The following SMYD3 variants were observed in gnomAD, a reference collection of about 807,000 sequenced individuals.
SMYD3 encodes histone-lysine N-methyltransferase SMYD3.
A neutral mutation model predicts 57.7 loss-of-function variants in SMYD3; 36 were observed. That is an observed-to-expected ratio of 0.62 (90% CI 0.48 to 0.82). The LOEUF (loss-of-function observed/expected upper bound fraction) is 0.82. Among genes scored for constraint, SMYD3 ranks in the 40% least tolerant of loss-of-function variants. The pLI is 0.00. For missense variants in SMYD3, 515 were observed against 538.8 expected, an observed-to-expected ratio of 0.96 and a Z score of 0.44; for synonymous variants, 211 against 195.0, an observed-to-expected ratio of 1.08 and a Z score of -0.68.
chr1:245,804,273 C>T (rs4412567), intron 10 of SMYD3, among the ~76,000 whole-genome samples: 6,229 of 152,110 alleles, frequency 0.041, 443 homozygotes, highest in African/African-American at 0.14. Context: ...CACTCACTGC[C>T]GTGGTCTGGA....
At chr1:246,272,054 GT>G (rs1344535262) in intron 5 of SMYD3, among the ~76,000 whole-genome samples, 1 of 152,136 alleles carries the variant, frequency 6.6e-6, no homozygotes. Flanking sequence ...GGATGGAATT[GT>G]TTTTGTAATT....
At chr1:245,817,255 C>T (rs2048886811) in intron 10 of SMYD3, among the ~76,000 whole-genome samples, 1 of 144,444 alleles carries the variant, frequency 6.9e-6, no homozygotes, top group South Asian at 2.3e-4. Context: ...CCCCGAGCAG[C>T]CTAACTGGGA....
rs12096145 is a variant in SMYD3, at chr1:246,124,924, T to G, written c.532-194987A>C. 3.2e-3 allele frequency among the ~76,000 whole-genome samples: 491 copies of G among 152,032 alleles called. 2 individuals are homozygous for G. Among genetic ancestry groups the G allele is most frequent in the African/African-American group, 0.011 (470 of 41,470 alleles). Reference sequence around the variant, plus strand: ...CTCTACTAAAAATACAAAAAAAAATTAGCCGGGCGTGGTGGCGGGCGCCTG... The same window carrying G: ...CTCTACTAAAAATACAAAAAAAAATGAGCCGGGCGTGGTGGCGGGCGCCTG... On this transcript the variant is annotated intron_variant, in intron 5 of 11. Coordinates refer to ENST00000490107, the MANE Select transcript of SMYD3 (RefSeq NM_001167740.2).
chr1:246,481,621 T>TATATATATATATATATATAGACAC (rs1307881494), intron 1 of SMYD3, among the ~76,000 whole-genome samples: 1 of 98,552 alleles, frequency 1.0e-5, no homozygotes, highest in African/African-American at 3.7e-5. Context: ...CATACATATA[T>TATATATATATATATATATAGACAC]ACATACATAC....
chr1:246,444,671 A>T (rs1448248250), intron 1 of SMYD3, among the ~76,000 whole-genome samples: 2 of 152,134 alleles, frequency 1.3e-5, no homozygotes, highest in Non-Finnish European at 2.9e-5. Flanking sequence ...TACCATTAAA[A>T]CTATTTTTGC....
At chr1:245,890,016 G>C (rs910465426) in intron 8 of SMYD3, among the ~76,000 whole-genome samples, 2 of 151,260 alleles carry the variant, frequency 1.3e-5, no homozygotes, top group African/African-American at 2.5e-5. Context: ...AATGGTGCCG[G>C]GAAAACTGGA....
chr1:246,362,456 TCC>T (rs66801758), intron 1 of SMYD3, among the ~76,000 whole-genome samples: 5 of 13,282 alleles, frequency 3.8e-4, no homozygotes, highest in Admixed American at 1.1e-3. Flanking sequence ...CCTCTCCCTC[TCC>T]CTCTCCACGG....
chr1:246,124,882 C>A (rs930262272), intron 5 of SMYD3, among the ~76,000 whole-genome samples: 4 of 151,896 alleles, frequency 2.6e-5, no homozygotes, highest in African/African-American at 4.8e-5. Flanking sequence ...GAGATTGAGA[C>A]CACGGTGAAA....
intron 5 of SMYD3, among the ~76,000 whole-genome samples, chr1:246,072,319 C>T (rs2060470581): frequency 6.8e-6 from 1 of 146,070 alleles, no homozygotes; most frequent in South Asian, 2.2e-4. Context: ...GATTCGTGTG[C>T]TTTCCACTGT....
At chr1:246,375,265 T>TAACTTTATAAA (rs1271229477) in intron 1 of SMYD3, among the ~76,000 whole-genome samples, 1 of 148,832 alleles carries the variant, frequency 6.7e-6, no homozygotes, top group African/African-American at 2.5e-5. Flanking sequence ...GTTTTCACAG[T>TAACTTTATAAA]AACTTTATAA....
intron 11 of SMYD3, among the ~76,000 whole-genome samples, chr1:245,758,058 A>C (rs2045684265): frequency 6.6e-6 from 1 of 152,158 alleles, no homozygotes; most frequent in Admixed American, 6.5e-5. Flanking sequence ...GAACCTATGA[A>C]CATGAGATGT....
Position 246,064,032 on chromosome 1 carries a change from C to T in SMYD3, c.532-134095G>A, listed in dbSNP as rs180970872. 2.0e-5 allele frequency among the ~76,000 whole-genome samples: 3 copies of T among 152,300 alleles called. No individual in the cohort carries two copies. The East Asian group carries it at 5.8e-4, about 29-fold the overall frequency. ...AGAAACCAAGAAATAATCCCAATTC[C>T]TACTTCTTCACTGTCCCTCATCTCT... On this transcript the variant is annotated intron_variant, in intron 5 of 11. Transcript: ENST00000490107.
intron 8 of SMYD3, among the ~76,000 whole-genome samples, chr1:245,880,495 G>A (rs1354284453): frequency 6.6e-6 from 1 of 152,132 alleles, no homozygotes; most frequent in Non-Finnish European, 1.5e-5. Flanking sequence ...CCAACTGCAG[G>A]CCAAATAACA....
At chr1:246,079,606 C>T (rs2788015) in intron 5 of SMYD3, among the ~76,000 whole-genome samples, 30,658 of 152,088 alleles carry the variant, frequency 0.2, 3,576 homozygotes, top group East Asian at 0.4. Context: ...TCATCATCCC[C>T]CGACTGTCTG....
chr1:246,393,674 T>TAAAAAA (rs796510890), intron 1 of SMYD3, among the ~76,000 whole-genome samples: 4 of 92,426 alleles, frequency 4.3e-5, no homozygotes, highest in African/African-American at 1.3e-4. Context: ...CCCCCATCTC[T>TAAAAAA]AAAAAAAAAA....
intron 10 of SMYD3, among the ~76,000 whole-genome samples, chr1:245,848,103 CT>C (rs35906120): frequency 3.4e-4 from 50 of 147,852 alleles, no homozygotes; most frequent in African/African-American, 4.0e-4. Context: ...GAGATAAAGT[CT>C]TTTTTTTTTT....
At chr1:246,352,601 C>T (rs1315172719) in intron 2 of SMYD3, among the ~76,000 whole-genome samples, 2 of 152,234 alleles carry the variant, frequency 1.3e-5, no homozygotes, top group African/African-American at 4.8e-5. Flanking sequence ...TATCCTTCAT[C>T]TTGCTAGCTG....
chr1:245,980,253 C>T (rs2058562503), intron 5 of SMYD3, among the ~76,000 whole-genome samples: 2 of 152,220 alleles, frequency 1.3e-5, no homozygotes, highest in South Asian at 4.1e-4. Context: ...GGACGGGGTC[C>T]AGGCCTTGGT....
chr1:246,210,933 T>C (rs2063076365), intron 5 of SMYD3, among the ~76,000 whole-genome samples: 1 of 152,108 alleles, frequency 6.6e-6, no homozygotes, highest in Non-Finnish European at 1.5e-5. Flanking sequence ...CCCCGCATGG[T>C]GTGCTGGCAG....
Sources: gnomAD v4.1 joint callset for allele counts (sites outside exome capture counted in the v4.1 genomes callset) on GRCh38, gnomAD v4.1.1 for gene constraint, MANE v1.5 for transcripts, NCBI Gene and HGNC (gene_info 2026-07-23, HGNC 2026-07-21) for gene names.